The following RFX4 variants were observed in gnomAD, a reference collection of about 807,000 sequenced individuals.
RFX4 encodes the protein regulatory factor X4, also known as transcription factor RFX4.
A neutral mutation model predicts 95.0 loss-of-function variants in RFX4; 10 were observed. The ratio of observed to expected loss-of-function variants is 0.11; its 90% CI spans 0.06 to 0.18. The LOEUF is 0.18. RFX4 is among the 10% of genes least tolerant of loss of function. The pLI is 1.00. For synonymous variants in RFX4, 321 were observed against 340.7 expected (o/e 0.94, Z 0.64); for missense variants, 640 against 922.0 (o/e 0.69, Z 3.96).
At chr12:106,672,530 C>G (rs2041303511) in intron 4 of RFX4, among the ~76,000 whole-genome samples, 1 of 152,216 alleles carries the variant, frequency 6.6e-6, no homozygotes, top group Admixed American at 6.5e-5. Context: ...GCCTGCCTGT[C>G]TGCTCATTTA....
intron 1 of RFX4, among the ~76,000 whole-genome samples, chr12:106,595,348 C>T (rs2039604026): frequency 6.6e-6 from 1 of 152,182 alleles, no homozygotes; most frequent in Non-Finnish European, 1.5e-5. Flanking sequence ...GCATAAAGTT[C>T]AGGAGGTCCA....
chr12:106,592,837 G>C (rs1356223970), intron 1 of RFX4, among the ~76,000 whole-genome samples: 1 of 152,098 alleles, frequency 6.6e-6, no homozygotes, highest in Non-Finnish European at 1.5e-5. Flanking sequence ...ACGTCCATTT[G>C]TTCTGTTTTT....
In RFX4 at chr12:106,691,884, C is replaced by T. The variant is rs1030448474; in HGVS notation, c.669+2520C>T. 3.3e-5 allele frequency among the ~76,000 whole-genome samples: 5 copies of T among 152,254 alleles called. No individual in the cohort carries two copies. In the East Asian group the frequency reaches 5.8e-4, roughly 18 times the overall value. On this transcript the variant is annotated intron_variant, in intron 7 of 17. Transcript: ENST00000392842. ...TAAAGAATGCAAATCTGAGGCCGGG[C>T]GCAGTGGCTCACGCCTGTAATCCCA...
Position 106,761,344 on chromosome 12 carries a change from T to C in RFX4, c.2083T>C (p.Tyr695His), listed in dbSNP as rs2043204997. 6.2e-7 allele frequency: 1 copy of C among 1,613,922 alleles called. No individual in the cohort carries two copies. The highest frequency in any genetic ancestry group is 8.5e-7 in the Non-Finnish European group (1 of 1,180,022). Reference protein sequence around the residue: ...YTSPSVHSARYGNSSDMYTPL... With the variant: ...YTSPSVHSARHGNSSDMYTPL... Reference sequence around the variant, plus strand: ...AAGCCCGTCTGTGCATTCTGCGAGGTACGGAAACTCTAGTGACATGTATAC... The same window carrying C: ...AAGCCCGTCTGTGCATTCTGCGAGGCACGGAAACTCTAGTGACATGTATAC... The change falls in exon 18 of 18, where the codon TAC (tyrosine) becomes CAC (histidine). Residue 695 changes from tyrosine (Y) to histidine (H), a missense_variant. Physicochemically the swap from Tyr to His is moderately conservative, Grantham distance 83 (BLOSUM62 2). This residue lies in a region of RFX4 where 300 missense variants were observed against 346.8 expected (regional missense o/e 0.87). Transcript: ENST00000392842.
rs1423659604 is a variant in RFX4 at position 106,682,049 on chromosome 12, G to A, written c.372G>A (p.Gln124=). The change falls in exon 5 of 18, where the codon CAG becomes CAA. Residue 124 remains glutamine (Q), a synonymous_variant. Transcript: ENST00000392842. ...CCAGAAGACTCGGGACCCGAGGACA[G>A]TCAAAGTAAGCACCGGACGGCCATT... The part of the protein sequence containing the change: ...LTTRRLGTRG[Q]SKYHYYGIAV... 6.2e-7 allele frequency: 1 copy of A among 1,614,046 alleles called. No homozygotes were observed. Among genetic ancestry groups the A allele is most frequent in the African/African-American group, 1.3e-5 (1 of 74,934 alleles).
intron 4 of RFX4, among the ~76,000 whole-genome samples, chr12:106,669,839 G>GGTGTGTGTGTGTGTGTGTGTGTGT: frequency 7.0e-6 from 1 of 143,158 alleles, no homozygotes; most frequent in South Asian, 2.3e-4. Context: ...TTTTTCTAGG[G>GGTGTGTGTGTGTGTGTGTGTGTGT]GTGTGTGTGT....
intron 11 of RFX4, among the ~76,000 whole-genome samples, chr12:106,718,522 G>C (rs901414116): frequency 6.6e-6 from 1 of 152,198 alleles, no homozygotes; most frequent in Non-Finnish European, 1.5e-5. Context: ...TCCATGGGTT[G>C]TTCATCCATT....
At chr12:106,654,973 A>T (rs1247782436) in intron 4 of RFX4, among the ~76,000 whole-genome samples, 1 of 150,784 alleles carries the variant, frequency 6.6e-6, no homozygotes, top group African/African-American at 2.4e-5. Flanking sequence ...GAGTCAATAC[A>T]TCTAAACCTT....
chr12:106,658,550 G>C (rs573666790), intron 4 of RFX4, among the ~76,000 whole-genome samples: 5 of 152,198 alleles, frequency 3.3e-5, no homozygotes, highest in Admixed American at 3.3e-4. Flanking sequence ...TTTGCTCTGG[G>C]AAAGAGGGGT....
Position 106,720,011 on chromosome 12 carries a change from A to G in RFX4, c.1190A>G (p.Tyr397Cys). The stretch of plus-strand genomic sequence containing the variant: ...GAGGAGCAGTCTCCCATCGAGTCCT[A>G]CATTGAGTGGCTGGATACCATGGTT... ...LLEEQSPIES[Y>C]IEWLDTMVDR... The change falls in exon 12 of 18, where the codon TAC (tyrosine) becomes TGC (cysteine). Residue 397 changes from tyrosine to cysteine, a missense_variant. Coordinates refer to ENST00000392842, the MANE Select transcript of RFX4 (RefSeq NM_213594.3). The surrounding 1 kb of genome is among the most constrained non-coding windows in gnomAD (Gnocchi z 4.2). 6.2e-7 allele frequency: 1 copy of G among 1,614,226 alleles called. No homozygotes were observed. Among genetic ancestry groups the G allele is most frequent in the Non-Finnish European group, 8.5e-7 (1 of 1,180,036 alleles).
chr12:106,630,375 A>C (rs1490379768), intron 2 of RFX4, among the ~76,000 whole-genome samples: 1 of 152,242 alleles, frequency 6.6e-6, no homozygotes, highest in African/African-American at 2.4e-5. Flanking sequence ...ATTCACCCAG[A>C]GGAGGCGAGA....
intron 2 of RFX4, among the ~76,000 whole-genome samples, chr12:106,624,863 A>G (rs531837449): frequency 6.6e-6 from 1 of 152,234 alleles, no homozygotes; most frequent in African/African-American, 2.4e-5. Flanking sequence ...ACGATTGGCT[A>G]TTGGCTGGCC....
At chr12:106,688,723 A>G (rs2137426593) in intron 6 of RFX4, among the ~76,000 whole-genome samples, 1 of 152,274 alleles carries the variant, frequency 6.6e-6, no homozygotes, top group East Asian at 1.9e-4. Context: ...TAATTGAAAA[A>G]AACATAAAAA....
chr12:106,658,683 A>G (rs2041010036), intron 4 of RFX4, among the ~76,000 whole-genome samples: 1 of 152,162 alleles, frequency 6.6e-6, no homozygotes, highest in African/African-American at 2.4e-5. Context: ...TCTCCTAGCT[A>G]TAAGTGCCTT....
chr12:106,759,500 T>C (rs772488615), intron 17 of RFX4, among the ~76,000 whole-genome samples: 183 of 152,284 alleles, frequency 1.2e-3, no homozygotes, highest in Middle Eastern at 3.4e-3. Flanking sequence ...ATCTTGTTTT[T>C]TGGGACAGGG....
chr12:106,622,692 C>T (rs2040209488), intron 2 of RFX4, among the ~76,000 whole-genome samples: 1 of 150,108 alleles, frequency 6.7e-6, no homozygotes, highest in Non-Finnish European at 1.5e-5. Flanking sequence ...GTGATCTCAG[C>T]TCACTGCAAC....
intron 1 of RFX4, among the ~76,000 whole-genome samples, chr12:106,603,628 T>A (rs552781734): frequency 4.0e-4 from 61 of 152,346 alleles, no homozygotes; most frequent in African/African-American, 1.4e-3. Flanking sequence ...ACAGGTCAGA[T>A]GATTTTTATA....
intron 4 of RFX4, among the ~76,000 whole-genome samples, chr12:106,656,168 C>T (rs2040954410): frequency 6.6e-6 from 1 of 152,204 alleles, no homozygotes; most frequent in African/African-American, 2.4e-5. Context: ...CAGCAAATCT[C>T]AAGGCATTTG....
At position 106,737,162 on chromosome 12, in the gene RFX4, GTTTTTTTTTTTTTTTTTTTTTTT is replaced by G. The variant is rs556116618; in HGVS notation, c.1633+4095_1633+4117del. On this transcript the variant is annotated intron_variant, in intron 15 of 17. Coordinates refer to ENST00000392842, the MANE Select transcript of RFX4 (RefSeq NM_213594.3). Reference sequence around the variant, plus strand: ...TTTCCAGAATAGACTCGGAACTAAAGTTTTTTTTTTTTTTTTTTTTTTTTTTTTTTTTTTTTTTTTGAGGACCA... The same window carrying G: ...TTTCCAGAATAGACTCGGAACTAAAGTTTTTTTTTTTTTTTTTGAGGACCA... 7.6e-4 allele frequency among the ~76,000 whole-genome samples: 42 copies of G among 54,926 alleles called. 2 individuals are homozygous for G. The highest frequency in any genetic ancestry group is 7.3e-3 in the East Asian group (13 of 1,772). The allele number at this position is 54,926 out of a possible 152,430, so 36.0% of individuals were successfully genotyped here.
Sources: gnomAD v4.1 joint callset for allele counts (sites outside exome capture counted in the v4.1 genomes callset) on GRCh38, gnomAD v4.1.1 for gene constraint, gnomAD v4.1.1 regional missense constraint, Gnocchi (gnomAD v3.1) non-coding constraint, MANE v1.5 for transcripts, NCBI Gene and HGNC (gene_info 2026-07-23, HGNC 2026-07-21) for gene names.